KLF15: variants seen among roughly 807,000 people sequenced by gnomAD.
KLF15 encodes KLF transcription factor 15.
A neutral mutation model predicts 24.6 loss-of-function variants in KLF15; 4 were observed. The observed-to-expected ratio is 0.16, with a 90% CI of 0.08 to 0.37. The LOEUF (loss-of-function observed/expected upper bound fraction) is 0.37. Ranked by LOEUF, KLF15 falls within the 10% of genes least tolerant of loss-of-function variation. KLF15 has a pLI of 1.00. For synonymous variants in KLF15, 246 were observed against 236.3 expected, an observed-to-expected ratio of 1.04 and a Z score of -0.37; for missense variants, 496 against 560.6, an observed-to-expected ratio of 0.88 and a Z score of 1.16.
rs1176028273 is a variant in KLF15 at position 126,356,876 on chromosome 3, G to A, written c.-26+361C>T. ...CCAGCCCCTCCGCCCCCCAACCCCGGGCTGGCCAGCGCGTCCGCTCTCCCC... is the reference window on the plus strand; with the variant it reads ...CCAGCCCCTCCGCCCCCCAACCCCGAGCTGGCCAGCGCGTCCGCTCTCCCC... On this transcript the variant is annotated intron_variant, in intron 1 of 2. Coordinates refer to ENST00000296233, the MANE Select transcript of KLF15 (RefSeq NM_014079.4). The surrounding 1 kb of genome is among the most constrained non-coding windows in gnomAD (Gnocchi z 4.4). Among the ~76,000 whole-genome samples the A allele has an allele frequency of 6.6e-6, 1 of 151,466 alleles. No individual in the cohort carries two copies. The highest frequency in any genetic ancestry group is 1.5e-5 in the Non-Finnish European group (1 of 67,790).
the KLF15 span, among the ~76,000 whole-genome samples, chr3:126,297,499 G>T: frequency 6.6e-6 from 1 of 152,066 alleles, no homozygotes; most frequent in East Asian, 1.9e-4. Flanking sequence ...GGTGGTTTTT[G>T]GTTGCATGGA....
chr3:126,307,032 A>G, the KLF15 span, among the ~76,000 whole-genome samples: 11 of 152,226 alleles, frequency 7.2e-5, no homozygotes, highest in South Asian at 2.3e-3. Flanking sequence ...CTCTTAACCA[A>G]CTATCTTTCC....
chr3:126,301,756 A>G, the KLF15 span, among the ~76,000 whole-genome samples: 9 of 151,370 alleles, frequency 5.9e-5, no homozygotes, highest in South Asian at 6.3e-4. Context: ...CTGGGATTAC[A>G]GGCGCCCGCC....
At chr3:126,307,970 G>C in the KLF15 span, among the ~76,000 whole-genome samples, 3,423 of 152,260 alleles carry the variant, frequency 0.022, 61 homozygotes, top group South Asian at 0.057. Flanking sequence ...CCCGCAGCCC[G>C]GTGCTAAGCA....
chr3:126,297,702 G>GTTTTTTTTTT, the KLF15 span, among the ~76,000 whole-genome samples: 32 of 152,058 alleles, frequency 2.1e-4, no homozygotes, highest in African/African-American at 7.7e-4. Context: ...ATGATATTTG[G>GTTTTTTTTTT]TTTTCTTTTT....
the KLF15 span, among the ~76,000 whole-genome samples, chr3:126,299,477 C>T: frequency 1.3e-4 from 20 of 151,880 alleles, no homozygotes; most frequent in Middle Eastern, 3.4e-3. Context: ...CTGCCGGGCA[C>T]GGTGGCTCAC....
the KLF15 span, among the ~76,000 whole-genome samples, chr3:126,288,703 A>G: frequency 6.6e-6 from 1 of 152,250 alleles, no homozygotes. Flanking sequence ...TGTCCTGGAC[A>G]CACAGTCAGG....
chr3:126,291,475 G>A, the KLF15 span, among the ~76,000 whole-genome samples: 1 of 152,216 alleles, frequency 6.6e-6, no homozygotes, highest in South Asian at 2.1e-4. Context: ...AACTGGGAGG[G>A]CTGAAATTGG....
the KLF15 span, among the ~76,000 whole-genome samples, chr3:126,298,824 T>C: frequency 6.6e-6 from 1 of 152,196 alleles, no homozygotes; most frequent in Non-Finnish European, 1.5e-5. Flanking sequence ...CATTGGTCTA[T>C]ATGCCTATTT....
the KLF15 span, among the ~76,000 whole-genome samples, chr3:126,305,772 AG>A: frequency 6.6e-6 from 1 of 152,226 alleles, no homozygotes; most frequent in African/African-American, 2.4e-5. Flanking sequence ...GCCATCTTAA[AG>A]GTGAAAGATT....
chr3:126,317,588 A>ATGCCTCAAGTGAGCATGTGCACAATTT, the KLF15 span, among the ~76,000 whole-genome samples: 1 of 152,060 alleles, frequency 6.6e-6, no homozygotes, highest in Admixed American at 6.5e-5. Context: ...ATTTCAGTAA[A>ATGCCTCAAGTGAGCATGTGCACAATTT]CACACTGCGC....
chr3:126,294,341 A>G, the KLF15 span, among the ~76,000 whole-genome samples: 1 of 152,134 alleles, frequency 6.6e-6, no homozygotes, highest in Admixed American at 6.5e-5. Context: ...CTACACAGAG[A>G]CACTGTTTGT....
At chr3:126,318,177 G>A in the KLF15 span, among the ~76,000 whole-genome samples, 1 of 152,072 alleles carries the variant, frequency 6.6e-6, no homozygotes, top group African/African-American at 2.4e-5. Flanking sequence ...TTCATGCTAT[G>A]CAACTTTGCG....
In KLF15 at chr3:126,343,060, T is replaced by G. The variant is rs1487390199; in HGVS notation, c.*667A>C. 1 of 148,602 alleles carries G rather than the reference T, an allele frequency of 6.7e-6. No individual in the cohort carries two copies. Among genetic ancestry groups the G allele is most frequent in the Non-Finnish European group, 1.5e-5 (1 of 67,240 alleles). The allele number at this position is 148,602 out of a possible 1,614,324, so 9.2% of individuals were successfully genotyped here. ...CAGGCCCTTCTGGCTCTGTCTGCCC[T>G]GCACATTTAACTCAAGCACATGCAC... is the stretch of plus-strand genomic sequence containing the variant. On this transcript the variant is annotated 3_prime_UTR_variant, in exon 3 of 3. Transcript: ENST00000296233.
At chr3:126,313,812 G>A in the KLF15 span, among the ~76,000 whole-genome samples, 1 of 152,224 alleles carries the variant, frequency 6.6e-6, no homozygotes, top group Non-Finnish European at 1.5e-5. Context: ...TGACCATCTG[G>A]TCTGGGCTCA....
chr3:126,296,421 A>G, the KLF15 span, among the ~76,000 whole-genome samples: 2 of 152,158 alleles, frequency 1.3e-5, no homozygotes, highest in African/African-American at 2.4e-5. Context: ...GTTAGCCAGG[A>G]TGGTCTTTAT....
chr3:126,351,302 G>A (rs1450393085), intron 2 of KLF15, among the ~76,000 whole-genome samples: 1 of 152,244 alleles, frequency 6.6e-6, no homozygotes, highest in Non-Finnish European at 1.5e-5. Flanking sequence ...AGACATCTGT[G>A]AATGAAGCTA....
chr3:126,314,724 A>G, the KLF15 span, among the ~76,000 whole-genome samples: 1 of 152,228 alleles, frequency 6.6e-6, no homozygotes, highest in Non-Finnish European at 1.5e-5. Context: ...AAGTCCAGGG[A>G]GGGCTAGACA....
At position 126,352,823 on chromosome 3, in the gene KLF15, T is replaced by C. The variant is rs371458343; in HGVS notation, c.100A>G (p.Met34Val). Residue 34 changes from methionine (M) to valine (V), a missense_variant, in exon 2 of 3, where the codon ATG becomes GTG. By Grantham distance (21) the Met-to-Val change is conservative. Transcript: ENST00000296233. ...DRLVGRRAYH[M>V]LPSPVSEDDS... The stretch of plus-strand genomic sequence containing the variant: ...TCTTCAGAGACGGGTGAGGGCAGCA[T>C]GTGATATGCCCGCCGGCCAACCAGC... 24 of 1,606,294 alleles carry C rather than the reference T, an allele frequency of 1.5e-5. No homozygotes were observed. The highest frequency in any genetic ancestry group is 1.7e-4 in the Middle Eastern group (1 of 6,052).
Sources: allele counts gnomAD v4.1 joint callset (sites outside exome capture counted in the v4.1 genomes callset), GRCh38; gene constraint gnomAD v4.1.1; non-coding constraint Gnocchi (gnomAD v3.1); transcripts MANE v1.5; gene names NCBI Gene and HGNC (gene_info 2026-07-23, HGNC 2026-07-21).